The following PAX2 variants were observed in gnomAD, a reference collection of about 807,000 sequenced individuals.
PAX2 encodes paired box protein Pax-2.
PAX2 carries 9 observed loss-of-function variants against 41.7 expected under a neutral mutation model. The observed-to-expected ratio is 0.22, with a 90% CI of 0.13 to 0.38. The LOEUF (loss-of-function observed/expected upper bound fraction) is 0.38. PAX2 is among the 10% of genes least tolerant of loss of function. The probability of loss-of-function intolerance (pLI) is 1.00; values close to 1 mark genes in which losing one functional copy is unlikely to be tolerated. For synonymous variants in PAX2, 221 were observed against 212.7 expected, an observed-to-expected ratio of 1.04 and a Z score of -0.34; for missense variants, 418 against 531.6, an observed-to-expected ratio of 0.79 and a Z score of 2.10.
At chr10:100,823,562 C>G (rs1848439542) in intron 7 of PAX2, among the ~76,000 whole-genome samples, 1 of 152,158 alleles carries the variant, frequency 6.6e-6, no homozygotes, top group African/African-American at 2.4e-5. Flanking sequence ...TTTCTCCAGC[C>G]ATGCCTTGCC....
rs56026749 is a variant in PAX2 at position 100,781,675 on chromosome 10, G to A, written c.616+310G>A. Among the ~76,000 whole-genome samples the A allele has an allele frequency of 2.4e-3, 373 of 152,330 alleles. 4 individuals carry two copies. Among genetic ancestry groups the A allele is most frequent in the Middle Eastern group, 6.8e-3 (2 of 294 alleles). On this transcript the variant is annotated intron_variant, in intron 5 of 9. Transcript: ENST00000355243. Reference sequence around the variant, plus strand: ...CCTTGGGAAGGTTTTGGAGTTGGGGGAACAGCTGGTCTCTGGCCTGAGGAT... The same window carrying A: ...CCTTGGGAAGGTTTTGGAGTTGGGGAAACAGCTGGTCTCTGGCCTGAGGAT...
intron 3 of PAX2, among the ~76,000 whole-genome samples, chr10:100,760,754 C>T (rs1048680038): frequency 2.6e-5 from 4 of 151,562 alleles, no homozygotes; most frequent in Admixed American, 1.3e-4. Context: ...TCCTCCTCCT[C>T]GTTCCTCAGG....
At chr10:100,742,522 G>T (rs1223396425), upstream of PAX2, among the ~76,000 whole-genome samples, 1 of 152,210 alleles carries the variant, frequency 6.6e-6, no homozygotes, top group Non-Finnish European at 1.5e-5. Context: ...CAAAGGAGCC[G>T]AGATCCACAA....
chr10:100,816,603 G>T (rs537596758), intron 7 of PAX2, among the ~76,000 whole-genome samples: 1 of 152,250 alleles, frequency 6.6e-6, no homozygotes, highest in Middle Eastern at 3.4e-3. Flanking sequence ...CCAGAGGGCC[G>T]GCCACCTCCA....
upstream of PAX2, among the ~76,000 whole-genome samples, chr10:100,744,644 C>T (rs1845083907): frequency 1.3e-5 from 2 of 152,220 alleles, no homozygotes; most frequent in South Asian, 2.1e-4. Context: ...GAGAGCCAGC[C>T]TCGTCTCCCA....
chr10:100,785,335 T>C lies in PAX2; in HGVS notation c.616+3970T>C, dbSNP rs1350054169. 2.6e-5 allele frequency among the ~76,000 whole-genome samples: 4 copies of C among 152,204 alleles called. No homozygotes were observed. The East Asian group carries it at 7.7e-4, about 29-fold the overall frequency. ...TACACAACTTGTCCAAGAATCCAAA[T>C]GAAGTCATATGGTGAGAATCTGCTG... On this transcript the variant is annotated intron_variant, in intron 5 of 9. Coordinates refer to ENST00000355243, the MANE Select transcript of PAX2 (RefSeq NM_000278.5).
chr10:100,775,525 C>A (rs1416945044), intron 3 of PAX2, among the ~76,000 whole-genome samples: 2 of 152,222 alleles, frequency 1.3e-5, no homozygotes, highest in Non-Finnish European at 2.9e-5. Flanking sequence ...CCATGCACCA[C>A]CAAGCCGCTG....
intron 5 of PAX2, among the ~76,000 whole-genome samples, chr10:100,792,314 C>T (rs1412942560): frequency 1.3e-5 from 2 of 152,198 alleles, no homozygotes; most frequent in African/African-American, 4.8e-5. Flanking sequence ...GGGCCAGGAC[C>T]CTTGACTTTA....
Position 100,814,850 on chromosome 10 carries a change from G to A in PAX2, c.919+5614G>A, listed in dbSNP as rs543894089. On this transcript the variant is annotated intron_variant, in intron 7 of 9. Coordinates refer to ENST00000355243, the MANE Select transcript of PAX2 (RefSeq NM_000278.5). ...GAAGAGATGTGGATGCTGCCCAAGA[G>A]GGAAGTGCCCAAGGCAGGAAGAGGG... 1.3e-3 allele frequency among the ~76,000 whole-genome samples: 198 copies of A among 152,350 alleles called. 1 individual carries two copies. Among genetic ancestry groups the A allele is most frequent in the African/African-American group, 4.7e-3 (194 of 41,594 alleles).
chr10:100,748,653 G>T lies in PAX2; in HGVS notation c.44-1093G>T, dbSNP rs760818948. The stretch of plus-strand genomic sequence containing the variant: ...TGTAGGCCAGGGAGAATGGGGCACA[G>T]GAAGCACCCTCAGGCCTGGCACCCA... On this transcript the variant is annotated intron_variant, in intron 1 of 9. Coordinates refer to ENST00000355243, the MANE Select transcript of PAX2 (RefSeq NM_000278.5). This position sits in a 1 kb window ranked among gnomAD's most constrained non-coding sequence, Gnocchi z 5.0. 1.1e-4 allele frequency: 111 copies of T among 985,342 alleles called. No homozygotes were observed. The highest frequency in any genetic ancestry group is 1.3e-4 in the Non-Finnish European group (109 of 829,926). 61.0% of individuals were successfully genotyped at this position (985,342 alleles called of 1,614,324 possible).
chr10:100,758,805 T>G (rs1420117392), intron 3 of PAX2, among the ~76,000 whole-genome samples: 1 of 152,216 alleles, frequency 6.6e-6, no homozygotes, highest in Non-Finnish European at 1.5e-5. Flanking sequence ...GATGGACTTA[T>G]CTCTCTGCCT....
chr10:100,786,126 G>A (rs180836241), intron 5 of PAX2, among the ~76,000 whole-genome samples: 4 of 152,340 alleles, frequency 2.6e-5, no homozygotes, highest in Admixed American at 1.3e-4. Flanking sequence ...GGGCATAGGC[G>A]CCCTAACCTT....
intron 7 of PAX2, among the ~76,000 whole-genome samples, chr10:100,816,232 C>A (rs1304069220): frequency 6.6e-6 from 1 of 152,204 alleles, no homozygotes; most frequent in Non-Finnish European, 1.5e-5. Flanking sequence ...ATAACAATAG[C>A]CAACTCAGGC....
At chr10:100,769,125 A>G (rs981436891) in intron 3 of PAX2, among the ~76,000 whole-genome samples, 5 of 152,226 alleles carry the variant, frequency 3.3e-5, no homozygotes, top group Non-Finnish European at 7.3e-5. Flanking sequence ...ACTCAGGTTT[A>G]AATTCTGGCT....
rs1845382528 is a variant in PAX2, at chr10:100,750,201, G to A, written c.212+287G>A. ...AGGGAAGGATGACTTTCCTAATGGA[G>A]TTAAGGCAGATACGGGGTGGGAGAC... On this transcript the variant is annotated intron_variant, in intron 2 of 9. Transcript: ENST00000355243. The surrounding 1 kb of genome is among the most constrained non-coding windows in gnomAD (Gnocchi z 4.1). Among the ~76,000 whole-genome samples the A allele has an allele frequency of 6.6e-6, 1 of 151,974 alleles. No individual in the cohort carries two copies. Among genetic ancestry groups the A allele is most frequent in the East Asian group, 1.9e-4 (1 of 5,184 alleles).
intron 5 of PAX2, among the ~76,000 whole-genome samples, chr10:100,784,177 A>C (rs1460839216): frequency 6.6e-6 from 1 of 152,170 alleles, no homozygotes; most frequent in East Asian, 1.9e-4. Context: ...TAAGGGAGAT[A>C]ATTATGTGTC....
At chr10:100,793,751 A>C (rs2133924496) in intron 5 of PAX2, among the ~76,000 whole-genome samples, 2 of 152,132 alleles carry the variant, frequency 1.3e-5, no homozygotes, top group Non-Finnish European at 2.9e-5. Context: ...TTGGTGTGTA[A>C]ATCGGTAGGA....
intron 5 of PAX2, among the ~76,000 whole-genome samples, chr10:100,804,616 G>C (rs898284780): frequency 6.6e-6 from 1 of 152,134 alleles, no homozygotes; most frequent in African/African-American, 2.4e-5. Context: ...GGGGCATGTG[G>C]CCTCACAGTC....
Position 100,759,949 on chromosome 10 carries a change from G to A in PAX2, c.410+9058G>A, listed in dbSNP as rs186397220. Among the ~76,000 whole-genome samples, 672 of 152,314 alleles carry A rather than the reference G, an allele frequency of 4.4e-3. 6 individuals are homozygous for A. The highest frequency in any genetic ancestry group is 0.015 in the African/African-American group (629 of 41,572). On this transcript the variant is annotated intron_variant, in intron 3 of 9. Transcript: ENST00000355243. ...GATGATAGAAGCTGAAGGGCATGAG[G>A]AGTCTGCAGGCAGCTTCTGGCCTGC...
Sources: allele counts gnomAD v4.1 joint callset (sites outside exome capture counted in the v4.1 genomes callset), GRCh38; gene constraint gnomAD v4.1.1; non-coding constraint Gnocchi (gnomAD v3.1); transcripts MANE v1.5; gene names NCBI Gene and HGNC (gene_info 2026-07-23, HGNC 2026-07-21).